Variants in SLCO6A1 observed in about 807,000 individuals in gnomAD.
SLCO6A1 encodes the protein cancer/testis antigen 48.
SLCO6A1 carries 65 observed loss-of-function variants against 72.7 expected under a neutral mutation model. The ratio of observed to expected loss-of-function variants is 0.89; its 90% CI spans 0.73 to 1.10. SLCO6A1 has a LOEUF of 1.10. Ranked by LOEUF, SLCO6A1 falls within the 50% of genes least tolerant of loss-of-function variation. The pLI is 0.00. For synonymous variants in SLCO6A1, 314 were observed against 298.2 expected (o/e 1.05, Z -0.55); for missense variants, 874 against 872.6 (o/e 1.00, Z -0.02).
At chr5:102,489,489 A>G (rs1752581534) in intron 1 of SLCO6A1, among the ~76,000 whole-genome samples, 1 of 152,238 alleles carries the variant, frequency 6.6e-6, no homozygotes, top group Non-Finnish European at 1.5e-5. Flanking sequence ...CATAAAAATG[A>G]TCATCAGATC....
At chr5:102,452,377 A>T (rs1476080342) in intron 6 of SLCO6A1, among the ~76,000 whole-genome samples, 1 of 151,882 alleles carries the variant, frequency 6.6e-6, no homozygotes, top group Non-Finnish European at 1.5e-5. Flanking sequence ...TTCTTTTTTT[A>T]AATATTTCTA....
chr5:102,469,144 C>T (rs942376296), intron 4 of SLCO6A1, among the ~76,000 whole-genome samples: 6 of 146,824 alleles, frequency 4.1e-5, no homozygotes, highest in Admixed American at 2.7e-4. Context: ...GCTATGCAGG[C>T]TTTTTTTTTT....
At chr5:102,390,202 C>T (rs141035952) in intron 11 of SLCO6A1, among the ~76,000 whole-genome samples, 1 of 152,274 alleles carries the variant, frequency 6.6e-6, no homozygotes, top group African/African-American at 2.4e-5. Flanking sequence ...CTTACTGGCT[C>T]CCTTTCCGAT....
intron 12 of SLCO6A1, among the ~76,000 whole-genome samples, 158 bp from the exon 13 acceptor site, chr5:102,373,652 G>C: frequency 6.6e-6 from 1 of 150,998 alleles, no homozygotes; most frequent in East Asian, 1.9e-4. Flanking sequence ...ATTATATTAA[G>C]TTACTTAAAG....
intron 4 of SLCO6A1, among the ~76,000 whole-genome samples, chr5:102,460,689 T>C (rs1035136138): frequency 1.3e-4 from 20 of 152,040 alleles, no homozygotes; most frequent in African/African-American, 4.6e-4. Flanking sequence ...ACCATAGTTT[T>C]GGAAGTGCTG....
At chr5:102,483,533 G>T (rs2112840092) in intron 1 of SLCO6A1, among the ~76,000 whole-genome samples, 1 of 152,126 alleles carries the variant, frequency 6.6e-6, no homozygotes, top group East Asian at 1.9e-4. Flanking sequence ...AACTACTACT[G>T]AAGTGGCAAG....
chr5:102,396,867 A>G (rs992091617), intron 10 of SLCO6A1, among the ~76,000 whole-genome samples: 2 of 152,186 alleles, frequency 1.3e-5, no homozygotes, highest in Non-Finnish European at 2.9e-5. Context: ...TCCCATGTCC[A>G]AGGGGCTGAG....
At position 102,427,865 on chromosome 5, in the gene SLCO6A1, T is replaced by TATATA. The variant is rs1491508485; in HGVS notation, c.1277-7845_1277-7844insTATAT. Among the ~76,000 whole-genome samples the TATATA allele has an allele frequency of 2.9e-3, 207 of 72,580 alleles. 1 individual carries two copies. Among genetic ancestry groups the TATATA allele is most frequent in the Non-Finnish European group, 4.0e-3 (176 of 43,960 alleles). The allele number at this position is 72,580 out of a possible 152,430, so 47.6% of individuals were successfully genotyped here. A position where few individuals can be genotyped will look rare whatever the true frequency, so the allele number is the denominator to read the frequency against. On this transcript the variant is annotated intron_variant, in intron 7 of 13. Coordinates refer to ENST00000506729, the MANE Select transcript of SLCO6A1 (RefSeq NM_173488.5). ...GTATACATATATATATATATATATA[T>TATATA]TTTTTTTTTTTTTTTTTTTTTTGAG... is the stretch of plus-strand genomic sequence containing the variant.
chr5:102,420,386 A>G (rs184213168), intron 7 of SLCO6A1, among the ~76,000 whole-genome samples: 46 of 152,322 alleles, frequency 3.0e-4, no homozygotes, highest in South Asian at 6.2e-4. Context: ...TTATCACAAG[A>G]GACAGGATTA....
intron 4 of SLCO6A1, among the ~76,000 whole-genome samples, chr5:102,466,740 C>T (rs10076433): frequency 0.072 from 10,903 of 151,734 alleles, 448 homozygotes; most frequent in African/African-American, 0.1. Flanking sequence ...TACCTCATTG[C>T]GGTTTTGATT....
intron 6 of SLCO6A1, among the ~76,000 whole-genome samples, chr5:102,451,044 T>C (rs1287586091): frequency 1.3e-5 from 2 of 152,142 alleles, no homozygotes; most frequent in South Asian, 2.1e-4. Flanking sequence ...AGGGTGACTG[T>C]GCTGGGTGCC....
At chr5:102,414,118 T>C (rs1191542629) in intron 8 of SLCO6A1, among the ~76,000 whole-genome samples, 1 of 152,168 alleles carries the variant, frequency 6.6e-6, no homozygotes, top group Non-Finnish European at 1.5e-5. Flanking sequence ...TTTTCTGGAT[T>C]ATGTGTTTGG....
chr5:102,441,001 T>TA (rs1456621230), intron 6 of SLCO6A1, among the ~76,000 whole-genome samples: 4 of 152,170 alleles, frequency 2.6e-5, no homozygotes, highest in African/African-American at 9.6e-5. Context: ...GTAGATTTTC[T>TA]AAAAATTGCT....
At chr5:102,471,403 A>G (rs907140966) in intron 4 of SLCO6A1, among the ~76,000 whole-genome samples, 7 of 152,058 alleles carry the variant, frequency 4.6e-5, no homozygotes, top group Non-Finnish European at 7.4e-5. Context: ...TAACTGCTAG[A>G]CGGGTTTCCT....
intron 12 of SLCO6A1, among the ~76,000 whole-genome samples, chr5:102,386,409 T>C (rs2112503218): frequency 6.6e-6 from 1 of 152,214 alleles, no homozygotes; most frequent in Non-Finnish European, 1.5e-5. Flanking sequence ...TCTGCAGAGG[T>C]GGTTCTAAAG....
chr5:102,458,372 T>C lies in SLCO6A1; in HGVS notation c.1131+10A>G. 6.3e-7 allele frequency: 1 copy of C among 1,579,318 alleles called. No homozygotes were observed. ...TAGTTGGATTGTTCAAGTAAAATAT[T>C]TTACTTTACCCAAAGAGCAGCACAT... On this transcript the variant is annotated intron_variant, in intron 6 of 13. Transcript: ENST00000506729.
chr5:102,477,332 CA>C (rs912330878), intron 3 of SLCO6A1, among the ~76,000 whole-genome samples: 3 of 152,020 alleles, frequency 2.0e-5, no homozygotes, highest in African/African-American at 7.2e-5. Context: ...CTATGTTGGC[CA>C]GGCTGGTTTT....
At chr5:102,411,325 C>G (rs1268098216) in intron 9 of SLCO6A1, among the ~76,000 whole-genome samples, 1 of 151,994 alleles carries the variant, frequency 6.6e-6, no homozygotes, top group Admixed American at 6.6e-5. Context: ...AGCACAGTGG[C>G]ACAATCATGA....
At chr5:102,480,153 T>A in intron 2 of SLCO6A1, 24 bp downstream of exon 2, 1 of 1,573,546 alleles carries the variant, frequency 6.4e-7, no homozygotes, top group South Asian at 1.2e-5. Context: ...ATTTGATGTA[T>A]GACAGTATAT....
Sources: allele counts gnomAD v4.1 joint callset (sites outside exome capture counted in the v4.1 genomes callset), GRCh38; gene constraint gnomAD v4.1.1; transcripts MANE v1.5; gene names NCBI Gene and HGNC (gene_info 2026-07-23, HGNC 2026-07-21).